KIAA1549L: variants seen among roughly 807,000 people sequenced by gnomAD.
KIAA1549L encodes the protein UPF0606 protein KIAA1549L.
Under a neutral mutation model 160.7 loss-of-function variants are expected in KIAA1549L, and 88 were observed. That is an observed-to-expected ratio of 0.55 (90% CI 0.46 to 0.65). KIAA1549L has a LOEUF of 0.65. Ranked by LOEUF, KIAA1549L falls within the 30% of genes least tolerant of loss-of-function variation. The pLI is 0.00. For missense variants in KIAA1549L, 2,258 were observed against 2,437.5 expected, an observed-to-expected ratio of 0.93 and a Z score of 1.55; for synonymous variants, 950 against 976.7, an observed-to-expected ratio of 0.97 and a Z score of 0.51.
chr11:33,400,449 A>G (rs1185716861), intron 1 of KIAA1549L, among the ~76,000 whole-genome samples: 2 of 152,196 alleles, frequency 1.3e-5, no homozygotes, highest in Admixed American at 6.5e-5. Flanking sequence ...CTTGTCTGAA[A>G]TAACAACTTC....
intron 1 of KIAA1549L, among the ~76,000 whole-genome samples, chr11:33,409,307 A>T (rs1294673363): frequency 6.6e-6 from 1 of 152,198 alleles, no homozygotes; most frequent in Non-Finnish European, 1.5e-5. Context: ...AGATCTTAGA[A>T]GGGTGATGGT....
chr11:33,435,759 GATATATAT>G lies in KIAA1549L; in HGVS notation c.238+58915_238+58922del, dbSNP rs71034686. 4.9e-3 allele frequency among the ~76,000 whole-genome samples: 73 copies of G among 14,956 alleles called. 7 individuals carry two copies. Among genetic ancestry groups the G allele is most frequent in the Middle Eastern group, 0.083 (2 of 24 alleles). 9.8% of individuals were successfully genotyped at this position (14,956 alleles called of 152,430 possible). On this transcript the variant is annotated intron_variant, in intron 1 of 20. Coordinates refer to ENST00000658780, the MANE Select transcript of KIAA1549L (RefSeq NM_012194.3). ...CCTTCCAGAGAAACAGAACCAATAA[GATATATAT>G]ATATATATATATATATATATATATA...
intron 1 of KIAA1549L, among the ~76,000 whole-genome samples, chr11:33,510,707 CAT>C (rs1188961057): frequency 2.0e-5 from 3 of 152,222 alleles, no homozygotes; most frequent in East Asian, 3.8e-4. Context: ...AATCACCTAA[CAT>C]GTGAGGGTGT....
intron 1 of KIAA1549L, among the ~76,000 whole-genome samples, chr11:33,394,631 T>C (rs1850337706): frequency 6.6e-6 from 1 of 152,198 alleles, no homozygotes; most frequent in South Asian, 2.1e-4. Context: ...GGCTCCTGTT[T>C]GTCCCATTTC....
intron 11 of KIAA1549L, among the ~76,000 whole-genome samples, chr11:33,587,819 G>A (rs535717295): frequency 6.6e-6 from 1 of 152,300 alleles, no homozygotes; most frequent in South Asian, 2.1e-4. Flanking sequence ...CTATCATTAG[G>A]TTCTTGGGAA....
intron 9 of KIAA1549L, among the ~76,000 whole-genome samples, chr11:33,571,789 C>G (rs1855266909): frequency 6.6e-6 from 1 of 152,076 alleles, no homozygotes; most frequent in Non-Finnish European, 1.5e-5. Flanking sequence ...GACATGTATT[C>G]ATACTATATC....
chr11:33,643,313 C>A (rs141397050), intron 16 of KIAA1549L, among the ~76,000 whole-genome samples: 92 of 152,236 alleles, frequency 6.0e-4, no homozygotes, highest in African/African-American at 2.1e-3. Context: ...CCCCTACCAA[C>A]CTTACTCGGA....
intron 10 of KIAA1549L, among the ~76,000 whole-genome samples, chr11:33,580,581 AAAAAAAAAAAG>A (rs1195359319): frequency 9.0e-5 from 13 of 145,006 alleles, no homozygotes; most frequent in African/African-American, 3.4e-4. Flanking sequence ...CAAAAAAAAA[AAAAAAAAAAAG>A]AAAAGAAAAG....
At chr11:33,615,540 T>C (rs1200182199) in intron 15 of KIAA1549L, among the ~76,000 whole-genome samples, 1 of 152,186 alleles carries the variant, frequency 6.6e-6, no homozygotes, top group Non-Finnish European at 1.5e-5. Flanking sequence ...CTAATTTATT[T>C]TTACATAGAT....
At chr11:33,500,532 T>G (rs565057859) in intron 1 of KIAA1549L, among the ~76,000 whole-genome samples, 1 of 152,202 alleles carries the variant, frequency 6.6e-6, no homozygotes, top group African/African-American at 2.4e-5. Context: ...TCTGAACAAC[T>G]GCATTCCTCA....
intron 3 of KIAA1549L, among the ~76,000 whole-genome samples, chr11:33,547,082 T>G (rs1480847426): frequency 6.6e-6 from 1 of 152,258 alleles, no homozygotes; most frequent in Admixed American, 6.5e-5. Context: ...ATATTTTGCT[T>G]CTTTCCCCTG....
intron 15 of KIAA1549L, among the ~76,000 whole-genome samples, chr11:33,613,207 T>C (rs989043784): frequency 2.6e-5 from 4 of 152,184 alleles, no homozygotes; most frequent in African/African-American, 9.7e-5. Context: ...TTGAACTAAT[T>C]TACACTCCCA....
intron 15 of KIAA1549L, among the ~76,000 whole-genome samples, chr11:33,617,194 C>T (rs1452421731): frequency 6.6e-6 from 1 of 150,960 alleles, no homozygotes; most frequent in Admixed American, 6.6e-5. Flanking sequence ...TCTTAGAATG[C>T]AAGTTAATCA....
At chr11:33,619,074 C>T (rs963788973) in intron 16 of KIAA1549L, among the ~76,000 whole-genome samples, 2 of 152,156 alleles carry the variant, frequency 1.3e-5, no homozygotes, top group South Asian at 4.1e-4. Flanking sequence ...CATAACTCCT[C>T]GGTATGCCAT....
chr11:33,422,750 A>G (rs541332906), intron 1 of KIAA1549L, among the ~76,000 whole-genome samples: 1 of 152,118 alleles, frequency 6.6e-6, no homozygotes, highest in Admixed American at 6.5e-5. Context: ...GCATGTATAC[A>G]ATAGATAATG....
Position 33,574,813 on chromosome 11 carries a change from A to G in KIAA1549L, c.4342A>G (p.Thr1448Ala). ...GACCGCAGCTGCCAAGATCCTGAGC[A>G]CCATTGATTCCCAAAGGATGGCCTT... Reference protein sequence around the residue: ...LGTAAAKILSTIDSQRMALTL... With the variant: ...LGTAAAKILSAIDSQRMALTL... The change falls in exon 10 of 21, where the codon ACC (threonine) becomes GCC (alanine). Residue 1448 changes from threonine (T) to alanine (A), a missense_variant. This residue lies in a region of KIAA1549L where 1,359 missense variants were observed against 1,546.6 expected (regional missense o/e 0.88). Coordinates refer to ENST00000658780, the MANE Select transcript of KIAA1549L (RefSeq NM_012194.3). 6.2e-7 allele frequency: 1 copy of G among 1,614,008 alleles called. No homozygotes were observed. Among genetic ancestry groups the G allele is most frequent in the South Asian group, 1.1e-5 (1 of 91,084 alleles).
chr11:33,383,885 ATTAG>A (rs1850122031), intron 1 of KIAA1549L, among the ~76,000 whole-genome samples: 1 of 152,348 alleles, frequency 6.6e-6, no homozygotes, highest in South Asian at 2.1e-4. Context: ...AATATCACCA[ATTAG>A]TTCAGATTTC....
chr11:33,601,369 C>CA (rs1564918859), intron 13 of KIAA1549L, among the ~76,000 whole-genome samples: 1 of 152,106 alleles, frequency 6.6e-6, no homozygotes, highest in African/African-American at 2.4e-5. Flanking sequence ...AAAACATACA[C>CA]TTGTTGTTTT....
At chr11:33,652,791 A>C (rs1434510087) in intron 17 of KIAA1549L, among the ~76,000 whole-genome samples, 1 of 152,218 alleles carries the variant, frequency 6.6e-6, no homozygotes, top group Non-Finnish European at 1.5e-5. Context: ...AACTGTCTGC[A>C]GAACCTCAGG....
Sources: gnomAD v4.1 joint callset for allele counts (sites outside exome capture counted in the v4.1 genomes callset) on GRCh38, gnomAD v4.1.1 for gene constraint, gnomAD v4.1.1 regional missense constraint, MANE v1.5 for transcripts, NCBI Gene and HGNC (gene_info 2026-07-23, HGNC 2026-07-21) for gene names.